LAMA2: variants seen among roughly 807,000 people sequenced by gnomAD.
LAMA2 encodes the protein laminin subunit alpha 2, also known as laminin subunit alpha-2.
Under a neutral mutation model 364.8 loss-of-function variants are expected in LAMA2, and 269 were observed. That is an observed-to-expected ratio of 0.74 (90% CI 0.67 to 0.82). The LOEUF (loss-of-function observed/expected upper bound fraction) is 0.82, where lower values mean the gene tolerates loss of function less well. LAMA2 is among the 40% of genes least tolerant of loss of function. The pLI is 0.00. For missense variants in LAMA2, 3,807 were observed against 3,873.2 expected, an observed-to-expected ratio of 0.98 and a Z score of 0.45; for synonymous variants, 1,379 against 1,370.6, an observed-to-expected ratio of 1.01 and a Z score of -0.14.
intron 55 of LAMA2, among the ~76,000 whole-genome samples, chr6:129,483,760 T>C (rs1322356049): frequency 6.6e-6 from 1 of 152,176 alleles, no homozygotes; most frequent in East Asian, 1.9e-4. Context: ...TGTTAATTCA[T>C]GTATAACTGT....
chr6:129,220,789 T>C (rs1389678326), intron 12 of LAMA2, among the ~76,000 whole-genome samples: 2 of 152,190 alleles, frequency 1.3e-5, no homozygotes, highest in East Asian at 3.8e-4. Context: ...ACTGATGTAA[T>C]GCTTATAATG....
intron 35 of LAMA2, among the ~76,000 whole-genome samples, chr6:129,386,509 G>T (rs1779026652): frequency 6.6e-6 from 1 of 151,938 alleles, no homozygotes; most frequent in African/African-American, 2.4e-5. Context: ...AATGGAAAAT[G>T]ACAGCATTTT....
intron 53 of LAMA2, among the ~76,000 whole-genome samples, chr6:129,477,203 CAAATT>C (rs1328023750): frequency 6.6e-6 from 1 of 152,082 alleles, no homozygotes; most frequent in African/African-American, 2.4e-5. Flanking sequence ...TAAATTAAAT[CAAATT>C]AAATAACAAT....
intron 1 of LAMA2, among the ~76,000 whole-genome samples, chr6:128,928,051 A>G (rs1048264883): frequency 2.6e-5 from 4 of 152,238 alleles, no homozygotes; most frequent in African/African-American, 9.6e-5. Flanking sequence ...AGCAGTCATC[A>G]TAAAGGAATC....
At chr6:129,014,513 T>A (rs989171627) in intron 1 of LAMA2, among the ~76,000 whole-genome samples, 1 of 152,212 alleles carries the variant, frequency 6.6e-6, no homozygotes, top group Non-Finnish European at 1.5e-5. Context: ...TCAGAAGCCA[T>A]ATAAACACTG....
Position 129,313,041 on chromosome 6 carries a change from G to T in LAMA2, c.3355G>T (p.Asp1119Tyr). Residue 1119 changes from aspartate to tyrosine, a missense_variant, in exon 23 of 65, where the codon GAT becomes TAT. By Grantham distance (160) the Asp-to-Tyr change is radical (BLOSUM62 -3). This residue lies in a region of LAMA2 where 3,333 missense variants were observed against 3,345.7 expected (regional missense o/e 1.00). Coordinates refer to ENST00000421865, the MANE Select transcript of LAMA2 (RefSeq NM_000426.4). ...FLPGTDATTCDSETKKCSCSD... is the reference protein window; with the variant it reads ...FLPGTDATTCYSETKKCSCSD... ...CCCTGGGACAGATGCCACAACCTGT[G>T]ATTCAGAGACTAAAAAATGCTCCTG... 6.2e-7 allele frequency: 1 copy of T among 1,614,098 alleles called. No individual in the cohort carries two copies.
chr6:129,356,211 A>G (rs530395730), intron 32 of LAMA2, among the ~76,000 whole-genome samples: 5 of 152,170 alleles, frequency 3.3e-5, no homozygotes, highest in Admixed American at 6.6e-5. Flanking sequence ...TATACAAATA[A>G]TCTGTGTCCA....
At chr6:129,400,548 G>A (rs1363821127) in intron 37 of LAMA2, among the ~76,000 whole-genome samples, 2 of 152,292 alleles carry the variant, frequency 1.3e-5, no homozygotes, top group East Asian at 3.9e-4. Context: ...GAATGAATCA[G>A]AAGTATAAAG....
intron 12 of LAMA2, among the ~76,000 whole-genome samples, chr6:129,221,325 T>C (rs1583281023): frequency 7.4e-6 from 1 of 134,790 alleles, no homozygotes; most frequent in African/African-American, 2.8e-5. Context: ...TTGGAACATA[T>C]AATTGAGAAA....
At chr6:129,344,930 C>G (rs1776462374) in intron 30 of LAMA2, among the ~76,000 whole-genome samples, 1 of 152,152 alleles carries the variant, frequency 6.6e-6, no homozygotes, top group Non-Finnish European at 1.5e-5. Flanking sequence ...GGCTTTACTG[C>G]AAAATTGTTC....
chr6:129,320,912 G>A (rs138614185), intron 28 of LAMA2, among the ~76,000 whole-genome samples: 2 of 152,234 alleles, frequency 1.3e-5, no homozygotes, highest in African/African-American at 4.8e-5. Context: ...GTTTTAATAA[G>A]CCTATTTATT....
intron 1 of LAMA2, among the ~76,000 whole-genome samples, chr6:128,976,450 G>C (rs561555662): frequency 6.6e-6 from 1 of 152,176 alleles, no homozygotes; most frequent in African/African-American, 2.4e-5. Flanking sequence ...CCAGGGAAAT[G>C]GGAGGTAACA....
intron 62 of LAMA2, among the ~76,000 whole-genome samples, chr6:129,509,523 T>C (rs572191326): frequency 6.6e-6 from 1 of 152,330 alleles, no homozygotes; most frequent in East Asian, 1.9e-4. Context: ...TTTGATTTGA[T>C]TTTTGTATAT....
intron 62 of LAMA2, among the ~76,000 whole-genome samples, chr6:129,509,530 A>T (rs1169047621): frequency 6.6e-6 from 1 of 152,142 alleles, no homozygotes; most frequent in African/African-American, 2.4e-5. Context: ...TGATTTTTGT[A>T]TATGGCGAGA....
intron 12 of LAMA2, among the ~76,000 whole-genome samples, chr6:129,233,476 T>C (rs981877723): frequency 6.6e-6 from 1 of 152,166 alleles, no homozygotes; most frequent in African/African-American, 2.4e-5. Flanking sequence ...TGTATTCTTA[T>C]AATAAAGTGT....
chr6:129,110,098 G>A (rs1044683352), intron 4 of LAMA2, among the ~76,000 whole-genome samples: 1 of 142,740 alleles, frequency 7.0e-6, no homozygotes, highest in Admixed American at 6.8e-5. Context: ...AAATATGCTA[G>A]CACCTTATTG....
intron 29 of LAMA2, among the ~76,000 whole-genome samples, chr6:129,339,937 A>AG (rs1010198203): frequency 2.6e-5 from 4 of 151,242 alleles, no homozygotes; most frequent in African/African-American, 9.7e-5. Context: ...TGGGAGGCAG[A>AG]GGTTGCAGTG....
intron 12 of LAMA2, among the ~76,000 whole-genome samples, chr6:129,202,337 C>T (rs77026563): frequency 0.065 from 9,956 of 152,054 alleles, 455 homozygotes; most frequent in African/African-American, 0.13. Flanking sequence ...AACCTAATGC[C>T]TAATGTGATA....
At chr6:129,482,794 C>T (rs1405565409) in intron 55 of LAMA2, among the ~76,000 whole-genome samples, 4 of 152,144 alleles carry the variant, frequency 2.6e-5, no homozygotes, top group African/African-American at 9.7e-5. Flanking sequence ...GGCACAGTGG[C>T]TCACGCCTGT....
Sources: allele counts gnomAD v4.1 joint callset (sites outside exome capture counted in the v4.1 genomes callset), GRCh38; gene constraint gnomAD v4.1.1; regional missense constraint gnomAD v4.1.1; transcripts MANE v1.5; gene names NCBI Gene and HGNC (gene_info 2026-07-23, HGNC 2026-07-21).